Variants in MARCHF3 observed in about 807,000 individuals in gnomAD.
The protein encoded by MARCHF3 is E3 ubiquitin-protein ligase MARCHF3.
MARCHF3 carries 13 observed loss-of-function variants against 24.2 expected under a neutral mutation model. The ratio of observed to expected loss-of-function variants is 0.54; its 90% CI spans 0.35 to 0.85. The LOEUF is 0.85. MARCHF3 is among the 40% of genes least tolerant of loss of function. The pLI is 0.01. For synonymous variants in MARCHF3, 144 were observed against 137.3 expected (o/e 1.05, Z -0.34); for missense variants, 276 against 325.0 (o/e 0.85, Z 1.16).
chr5:126,920,434 T>A (rs1749069607), intron 1 of MARCHF3, among the ~76,000 whole-genome samples: 2 of 152,244 alleles, frequency 1.3e-5, no homozygotes, highest in Admixed American at 1.3e-4. Context: ...GCTCTCTTGC[T>A]TCACAAGGCA....
chr5:126,924,209 A>C (rs1749221384), intron 1 of MARCHF3, among the ~76,000 whole-genome samples: 1 of 152,176 alleles, frequency 6.6e-6, no homozygotes. Flanking sequence ...GAATGGCTAG[A>C]CGTCTTTCTG....
intron 3 of MARCHF3, among the ~76,000 whole-genome samples, chr5:126,888,575 A>G (rs181154262): frequency 1.3e-5 from 2 of 152,322 alleles, no homozygotes; most frequent in East Asian, 1.9e-4. Context: ...AGCCAAATGG[A>G]GATTGCTTAT....
intron 1 of MARCHF3, among the ~76,000 whole-genome samples, chr5:126,920,466 G>T (rs1280470923): frequency 6.6e-6 from 1 of 152,198 alleles, no homozygotes; most frequent in Non-Finnish European, 1.5e-5. Flanking sequence ...AGAGCCAGGG[G>T]TGTATTGGCA....
At chr5:126,891,227 A>AT (rs1364101640) in intron 3 of MARCHF3, among the ~76,000 whole-genome samples, 1 of 151,800 alleles carries the variant, frequency 6.6e-6, no homozygotes, top group African/African-American at 2.4e-5. Flanking sequence ...ATTTTCTCCC[A>AT]TTCTGTAGGT....
intron 3 of MARCHF3, among the ~76,000 whole-genome samples, chr5:126,903,764 A>G (rs1224548000): frequency 6.6e-6 from 1 of 152,000 alleles, no homozygotes; most frequent in Non-Finnish European, 1.5e-5. Context: ...TCTGCTCCCT[A>G]TGGTACACCT....
intron 1 of MARCHF3, 52 bp from the exon 2 acceptor site, chr5:126,918,279 G>A: frequency 8.9e-7 from 1 of 1,129,822 alleles, no homozygotes; most frequent in Non-Finnish European, 1.2e-6. Context: ...AATAGAAAAT[G>A]GAGAATTATG....
intron 1 of MARCHF3, among the ~76,000 whole-genome samples, chr5:126,939,289 A>G (rs1017159294): frequency 7.2e-5 from 11 of 152,200 alleles, no homozygotes; most frequent in Admixed American, 5.9e-4. Flanking sequence ...CCCCCTCTTC[A>G]TGCCCTTTCA....
At chr5:126,925,126 A>G (rs1749249943) in intron 1 of MARCHF3, among the ~76,000 whole-genome samples, 1 of 152,222 alleles carries the variant, frequency 6.6e-6, no homozygotes, top group South Asian at 2.1e-4. Flanking sequence ...ACAGTTAAGC[A>G]GTAAGCAGGT....
chr5:126,910,887 A>T (rs1754497242), intron 3 of MARCHF3, among the ~76,000 whole-genome samples: 1 of 152,234 alleles, frequency 6.6e-6, no homozygotes, highest in Non-Finnish European at 1.5e-5. Flanking sequence ...AATGGGAGAA[A>T]TATCGCTGAA....
At chr5:126,948,641 G>A (rs1037508214) in intron 1 of MARCHF3, among the ~76,000 whole-genome samples, 13 of 152,174 alleles carry the variant, frequency 8.5e-5, no homozygotes, top group African/African-American at 2.2e-4. Flanking sequence ...TCTTAGGGGC[G>A]TATTTCTTAA....
intron 4 of MARCHF3, among the ~76,000 whole-genome samples, chr5:126,873,696 C>T (rs1283871525): frequency 6.6e-6 from 1 of 152,228 alleles, no homozygotes; most frequent in Non-Finnish European, 1.5e-5. Context: ...AAAATTCAGC[C>T]CACTTGTGTA....
In MARCHF3 at chr5:126,956,513, C is replaced by T. The variant is rs572379836; in HGVS notation, c.-56-38286G>A. Among the ~76,000 whole-genome samples the T allele has an allele frequency of 7.3e-5, 11 of 151,674 alleles. No individual in the cohort carries two copies. The East Asian group carries it at 7.7e-4, about 11-fold the overall frequency. ...AAACAAAATTAGCCAGGTGTGGTGGCGGGCACCTGTAATCCCAGCTACTTG... is the reference window on the plus strand; with the variant it reads ...AAACAAAATTAGCCAGGTGTGGTGGTGGGCACCTGTAATCCCAGCTACTTG... On this transcript the variant is annotated intron_variant, in intron 1 of 4. Coordinates refer to ENST00000308660, the MANE Select transcript of MARCHF3 (RefSeq NM_178450.5).
intron 3 of MARCHF3, among the ~76,000 whole-genome samples, chr5:126,888,964 C>T (rs564856263): frequency 3.3e-4 from 51 of 152,302 alleles, no homozygotes; most frequent in Non-Finnish European, 4.7e-4. Flanking sequence ...GGGGTTTTGC[C>T]ATGTTGGCCA....
At chr5:126,902,761 T>C (rs558622646) in intron 3 of MARCHF3, among the ~76,000 whole-genome samples, 3 of 152,212 alleles carry the variant, frequency 2.0e-5, no homozygotes, top group Admixed American at 6.6e-5. Context: ...AGCTGTCAAA[T>C]TTGCCACCAA....
intron 1 of MARCHF3, among the ~76,000 whole-genome samples, chr5:127,000,804 C>T (rs1409547137): frequency 2.0e-5 from 3 of 151,624 alleles, no homozygotes; most frequent in African/African-American, 7.3e-5. Flanking sequence ...GTAGCTGGGA[C>T]TACAGGCGCC....
chr5:126,981,401 A>C (rs1751390949), intron 1 of MARCHF3, among the ~76,000 whole-genome samples: 1 of 152,198 alleles, frequency 6.6e-6, no homozygotes, highest in East Asian at 1.9e-4. Context: ...TTTGGACCAC[A>C]CAACCTCAGA....
At chr5:126,949,759 A>T (rs187100498) in intron 1 of MARCHF3, among the ~76,000 whole-genome samples, 1 of 152,316 alleles carries the variant, frequency 6.6e-6, no homozygotes, top group Admixed American at 6.5e-5. Context: ...ATGTTCTCAC[A>T]AAGGTAGGCT....
chr5:126,908,268 G>T (rs970856661), intron 3 of MARCHF3, among the ~76,000 whole-genome samples: 295 of 152,044 alleles, frequency 1.9e-3, no homozygotes, highest in African/African-American at 6.7e-3. Context: ...TTCCTTCATT[G>T]CAACTTTGGT....
At chr5:127,030,079 C>A (rs1440171353) in intron 1 of MARCHF3, 2 of 152,234 alleles carry the variant, frequency 1.3e-5, no homozygotes, top group Non-Finnish European at 2.9e-5. Flanking sequence ...CGCAGAGGGG[C>A]AGGGGACGCG....
Sources: allele counts gnomAD v4.1 joint callset (sites outside exome capture counted in the v4.1 genomes callset), GRCh38; gene constraint gnomAD v4.1.1; transcripts MANE v1.5; gene names NCBI Gene and HGNC (gene_info 2026-07-23, HGNC 2026-07-21).